The following TUB variants were observed in gnomAD, a reference collection of about 807,000 sequenced individuals.
TUB encodes tubby protein homolog.
TUB carries 33 observed loss-of-function variants against 59.7 expected under a neutral mutation model. The observed-to-expected ratio is 0.55, with a 90% CI of 0.42 to 0.74. TUB has a LOEUF of 0.74. Ranked by LOEUF, TUB falls within the 30% of genes least tolerant of loss-of-function variation. TUB has a pLI of 0.00. For missense variants in TUB, 659 were observed against 672.0 expected (o/e 0.98, Z 0.21); for synonymous variants, 293 against 256.4 (o/e 1.14, Z -1.36).
chr11:8,094,580 A>T (rs1004045103), intron 4 of TUB, among the ~76,000 whole-genome samples: 9 of 152,142 alleles, frequency 5.9e-5, no homozygotes, highest in African/African-American at 2.2e-4. Flanking sequence ...CCCCATCCTT[A>T]TGCAGCCCTC....
chr11:8,052,041 G>A lies in TUB; in HGVS notation c.203+12349G>A, dbSNP rs371542256. Among the ~76,000 whole-genome samples, 10 of 152,250 alleles carry A rather than the reference G, an allele frequency of 6.6e-5. No individual in the cohort carries two copies. In the East Asian group the frequency reaches 1.2e-3, roughly 18 times the overall value. ...TTGGTCCATTGGTCATTCTCACGTC[G>A]ATACCACTGTTTTTGGTACAGTTTC... On this transcript the variant is annotated intron_variant, in intron 2 of 12. Coordinates refer to the TUB transcript ENST00000305253.
chr11:8,040,352 G>A (rs1942727343), intron 2 of TUB, among the ~76,000 whole-genome samples: 2 of 152,326 alleles, frequency 1.3e-5, no homozygotes, highest in South Asian at 4.1e-4. Context: ...ACAGGATCCT[G>A]TCCCCAGCTG....
upstream of TUB, among the ~76,000 whole-genome samples, chr11:8,079,162 T>C (rs1442910864): frequency 6.6e-6 from 1 of 152,084 alleles, no homozygotes; most frequent in Admixed American, 6.5e-5. Context: ...GTCAGGTAAT[T>C]TGGGAATAAA....
chr11:8,092,647 T>C (rs1212954022), intron 3 of TUB, among the ~76,000 whole-genome samples: 2 of 152,130 alleles, frequency 1.3e-5, no homozygotes, highest in Non-Finnish European at 2.9e-5. Flanking sequence ...CAGAGGACAT[T>C]TGAACATGTG....
chr11:8,041,538 CCA>C (rs1260969159), intron 2 of TUB, among the ~76,000 whole-genome samples: 2 of 152,146 alleles, frequency 1.3e-5, no homozygotes, highest in African/African-American at 4.8e-5. Flanking sequence ...TCCATTTCAT[CCA>C]CCCATTACTT....
chr11:8,057,901 G>T (rs1943044799), intron 2 of TUB, among the ~76,000 whole-genome samples: 2 of 152,142 alleles, frequency 1.3e-5, no homozygotes, highest in South Asian at 2.1e-4. Flanking sequence ...TAACCACTCA[G>T]TCAGTACTGA....
chr11:8,064,276 T>G (rs1943192668), intron 2 of TUB, among the ~76,000 whole-genome samples: 1 of 152,212 alleles, frequency 6.6e-6, no homozygotes, highest in Non-Finnish European at 1.5e-5. Flanking sequence ...CCCACCTTGA[T>G]GGACTGTGCC....
upstream of TUB, among the ~76,000 whole-genome samples, chr11:8,036,236 A>C (rs1000796150): frequency 1.3e-5 from 2 of 152,130 alleles, no homozygotes. Flanking sequence ...ATGTATCAGA[A>C]GCACCTCTGC....
chr11:8,078,723 A>G (rs961103314), upstream of TUB, among the ~76,000 whole-genome samples: 1 of 151,948 alleles, frequency 6.6e-6, no homozygotes. Flanking sequence ...ACACATACAC[A>G]CATTGCTGCG....
chr11:8,039,168 A>C lies in TUB; in HGVS notation c.155+140A>C, dbSNP rs1942699586. The C allele has an allele frequency of 3.6e-6, 4 of 1,126,014 alleles. No homozygotes were observed. The South Asian group carries it at 6.5e-5, about 18-fold the overall frequency. 69.8% of individuals were successfully genotyped at this position (1,126,014 alleles called of 1,614,324 possible). A position where few individuals can be genotyped will look rare whatever the true frequency, so the allele number is the denominator to read the frequency against. On this transcript the variant is annotated intron_variant, in intron 1 of 12. Transcript: ENST00000305253. ...GTGCTGCTCCCCTATCACCACGTGG[A>C]GCCCCACAGGTATATCCCCGCAAAC...
At chr11:8,025,097 CAA>C (rs745456778) in intron 1 of TUB, among the ~76,000 whole-genome samples, 3 of 152,194 alleles carry the variant, frequency 2.0e-5, no homozygotes, top group Admixed American at 6.5e-5. Flanking sequence ...CAGAATGAAA[CAA>C]AGTCTGTGGT....
In TUB at chr11:8,096,775, C is replaced by T. The variant is rs768050339; in HGVS notation, c.656C>T (p.Pro219Leu). 6.2e-7 allele frequency: 1 copy of T among 1,614,162 alleles called. No individual in the cohort carries two copies. The highest frequency in any genetic ancestry group is 1.1e-5 in the South Asian group (1 of 91,078). ...TCCCAGCTAAATAGTAACACCCGCC[C>T]CAGCTCTGCTACTAGCAGGAAGTCC... ...SSSQLNSNTR[P>L]SSATSRKSVR... is the part of the protein sequence containing the mutation. The change falls in exon 6 of 12, where the codon CCC (proline) becomes CTC (leucine). Residue 219 changes from proline (P) to leucine (L), a missense_variant. Physicochemically the swap from Pro to Leu is moderately conservative, Grantham distance 98 (BLOSUM62 -3). This residue lies in a region of TUB where 321 missense variants were observed against 304.3 expected (regional missense o/e 1.05). Transcript: ENST00000299506.
rs1283636647 is a variant in TUB at position 8,089,785 on chromosome 11, G to A, written c.90+124G>A. 4.3e-5 allele frequency: 57 copies of A among 1,329,542 alleles called. No homozygotes were observed. The East Asian group carries it at 1.2e-3, about 28-fold the overall frequency. The allele number at this position is 1,329,542 out of a possible 1,614,324, so 82.4% of individuals were successfully genotyped here. A position where few individuals can be genotyped will look rare whatever the true frequency, so the allele number is the denominator to read the frequency against. ...GATTGGGGGATGGGATTCCCATGTGGAAGAAGAGAGGTGCACTCTCTCCCA... is the reference window on the plus strand; with the variant it reads ...GATTGGGGGATGGGATTCCCATGTGAAAGAAGAGAGGTGCACTCTCTCCCA... On this transcript the variant is annotated intron_variant, in intron 2 of 11. Coordinates refer to ENST00000299506, the MANE Select transcript of TUB (RefSeq NM_177972.3).
At chr11:8,055,374 T>C (rs1564904483) in intron 2 of TUB, among the ~76,000 whole-genome samples, 2 of 152,182 alleles carry the variant, frequency 1.3e-5, no homozygotes, top group African/African-American at 4.8e-5. Flanking sequence ...GGTGTACCCC[T>C]GAGATGGCTT....
chr11:8,085,517 C>CG (rs1943650078), intron 1 of TUB, among the ~76,000 whole-genome samples: 1 of 152,198 alleles, frequency 6.6e-6, no homozygotes, highest in Admixed American at 6.5e-5. Flanking sequence ...CTGGACTTGC[C>CG]GGGGGTCCAG....
chr11:8,051,416 C>T (rs558167477), intron 2 of TUB, among the ~76,000 whole-genome samples: 1 of 152,048 alleles, frequency 6.6e-6, no homozygotes, highest in South Asian at 2.1e-4. Flanking sequence ...TTGGTTATTT[C>T]CATAATTTCT....
Position 8,101,843 on chromosome 11 carries a change from T to TTA in TUB, c.*224_*225insTA. On this transcript the variant is annotated 3_prime_UTR_variant, in exon 12 of 12. Coordinates refer to ENST00000299506, the MANE Select transcript of TUB (RefSeq NM_177972.3). ...GTGGGTGGGTGTGAAGGGATGAGAA[T>TTA]AATTCTTTCCATGCCACGAGATCAA... 1 of 464,590 alleles carries TTA rather than the reference T, an allele frequency of 2.2e-6. No individual in the cohort carries two copies. The highest frequency in any genetic ancestry group is 3.3e-6 in the Non-Finnish European group (1 of 302,466). The allele number at this position is 464,590 out of a possible 1,614,324, so 28.8% of individuals were successfully genotyped here.
At chr11:8,101,338 CTT>C in intron 11 of TUB, 146 bp from the exon 12 acceptor site, 2 of 1,090,998 alleles carry the variant, frequency 1.8e-6, no homozygotes, top group Non-Finnish European at 2.7e-6. Flanking sequence ...CCCAATTGGC[CTT>C]TGTTTTACTT....
rs542351781 is a variant in TUB, at chr11:8,096,867, G to C, written c.687+61G>C. ...GAGGACTGCTCATCCGTTAGAGGTG[G>C]ACTGCATGTGAAGAGATGGACTCGT... On this transcript the variant is annotated intron_variant, in intron 6 of 11. Coordinates refer to ENST00000299506, the MANE Select transcript of TUB (RefSeq NM_177972.3). 3.8e-6 allele frequency: 6 copies of C among 1,581,926 alleles called. No homozygotes were observed. The African/African-American group carries it at 6.7e-5, about 18-fold the overall frequency.
Sources: gnomAD v4.1 joint callset for allele counts (sites outside exome capture counted in the v4.1 genomes callset) on GRCh38, gnomAD v4.1.1 for gene constraint, gnomAD v4.1.1 regional missense constraint, MANE v1.5 for transcripts, NCBI Gene and HGNC (gene_info 2026-07-23, HGNC 2026-07-21) for gene names.